The following BICRA variants were observed in gnomAD, a reference collection of about 807,000 sequenced individuals.
BICRA encodes BRD4 interacting chromatin remodeling complex associated protein.
In BICRA, 31 loss-of-function variants were observed where a neutral mutation model predicts 96.9. That is an observed-to-expected ratio of 0.32 (90% CI 0.24 to 0.43). The LOEUF (loss-of-function observed/expected upper bound fraction) is 0.43. BICRA is among the 20% of genes least tolerant of loss of function. The pLI, the probability that BICRA is intolerant of heterozygous loss-of-function variation, is 1.00. For synonymous variants in BICRA, 1,350 were observed against 1,071.8 expected (o/e 1.26, Z -5.07); for missense variants, 2,283 against 2,190.3 (o/e 1.04, Z -0.84).
chr19:47,649,464 C>G (rs1409173304), intron 1 of BICRA, among the ~76,000 whole-genome samples: 1 of 152,160 alleles, frequency 6.6e-6, no homozygotes, highest in African/African-American at 2.4e-5. Context: ...CTGTCTCTGC[C>G]TCGAAGATCT....
intron 1 of BICRA, among the ~76,000 whole-genome samples, chr19:47,647,656 C>A (rs1052652774): frequency 2.0e-5 from 3 of 152,092 alleles, no homozygotes; most frequent in African/African-American, 7.2e-5. Context: ...CTTGTAGAAT[C>A]CTCCTTCCCG....
chr19:47,694,889 C>G lies in BICRA; in HGVS notation c.2896-11C>G. On this transcript the variant is annotated splice_polypyrimidine_tract_variant and intron_variant, in intron 8 of 14. Transcript: ENST00000594866. Reference sequence around the variant, plus strand: ...TGTTCCCCACCCCTCATCCACCTGTCCCCTCCTCAGGTGCCGTCCGGAATC... The same window carrying G: ...TGTTCCCCACCCCTCATCCACCTGTGCCCTCCTCAGGTGCCGTCCGGAATC... 2.0e-6 allele frequency: 3 copies of G among 1,503,936 alleles called. No homozygotes were observed. Among genetic ancestry groups the G allele is most frequent in the Non-Finnish European group, 2.7e-6 (3 of 1,130,944 alleles). The allele number at this position is 1,503,936 out of a possible 1,614,324, so 93.2% of individuals were successfully genotyped here.
chr19:47,648,723 G>A (rs536643291), intron 1 of BICRA, among the ~76,000 whole-genome samples: 28 of 149,394 alleles, frequency 1.9e-4, no homozygotes, highest in Non-Finnish European at 3.7e-4. Flanking sequence ...CTGCCACCCA[G>A]GCTGGAGTGT....
In BICRA at chr19:47,619,132, G is replaced by A. The variant is rs12985134; in HGVS notation, c.-108+9964G>A. ...CGGAATTTCTCTCCCTAGAACGTGC[G>A]CGGTGATCTCCTACTTTTGTGTGTA... On this transcript the variant is annotated intron_variant, in intron 1 of 14. Coordinates refer to ENST00000594866, the MANE Select transcript of BICRA (RefSeq NM_001394372.1). Among the ~76,000 whole-genome samples the A allele has an allele frequency of 7.2e-3, 1,099 of 152,008 alleles. 7 individuals are homozygous for A. Among genetic ancestry groups the A allele is most frequent in the Non-Finnish European group, 0.012 (833 of 67,986 alleles).
chr19:47,659,190 A>G (rs1234153722), intron 1 of BICRA, among the ~76,000 whole-genome samples: 1 of 152,238 alleles, frequency 6.6e-6, no homozygotes, highest in Non-Finnish European at 1.5e-5. Flanking sequence ...TAAGAGCCAG[A>G]CATCAGTCGC....
chr19:47,695,481 G>T lies in BICRA; in HGVS notation c.3186+7G>T. 1 of 1,370,996 alleles carries T rather than the reference G, an allele frequency of 7.3e-7. No individual in the cohort carries two copies. The highest frequency in any genetic ancestry group is 1.0e-6 in the Non-Finnish European group (1 of 975,792). 84.9% of individuals were successfully genotyped at this position (1,370,996 alleles called of 1,614,324 possible). On this transcript the variant is annotated splice_region_variant and intron_variant, in intron 10 of 14. Coordinates refer to ENST00000594866, the MANE Select transcript of BICRA (RefSeq NM_001394372.1). ...GAAGCCCTCCGGGCTGCAGGTAAGG[G>T]GCCCTTAGAGCAGGGGTCAGGACAG...
intron 1 of BICRA, among the ~76,000 whole-genome samples, chr19:47,658,767 G>C (rs552896449): frequency 2.0e-5 from 3 of 151,998 alleles, no homozygotes; most frequent in African/African-American, 7.3e-5. Context: ...GGGACCTGCC[G>C]ATTCCCAGAT....
At chr19:47,686,864 C>T (rs1322691001) in intron 7 of BICRA, among the ~76,000 whole-genome samples, 1 of 152,158 alleles carries the variant, frequency 6.6e-6, no homozygotes, top group African/African-American at 2.4e-5. Context: ...GGCCCTGTGA[C>T]CTTCAGCAGG....
chr19:47,674,112 C>G (rs2081182), intron 4 of BICRA, among the ~76,000 whole-genome samples: 1 of 152,008 alleles, frequency 6.6e-6, no homozygotes, highest in Admixed American at 6.6e-5. Context: ...AAGGGTCACA[C>G]GAGGGAGGTA....
Position 47,701,766 on chromosome 19 carries a change from C to T in BICRA, c.4034C>T (p.Pro1345Leu). 1.3e-6 allele frequency: 2 copies of T among 1,542,854 alleles called. No homozygotes were observed. Among genetic ancestry groups the T allele is most frequent in the South Asian group, 1.2e-5 (1 of 84,034 alleles). ...PPPATLKVAE[P>L]PPRPPPPPPP... ...CCCGCTACCCTCAAGGTGGCCGAGC[C>T]CCCGCCACGGCCGCCACCACCACCG... The change falls in exon 15 of 15, where the codon CCC becomes CTC. Residue 1345 changes from proline to leucine, a missense_variant. Coordinates refer to ENST00000594866, the MANE Select transcript of BICRA (RefSeq NM_001394372.1). This position sits in a 1 kb window ranked among gnomAD's most constrained non-coding sequence, Gnocchi z 5.4.
In BICRA at chr19:47,680,267, T is replaced by C; in HGVS notation, c.1097T>C (p.Leu366Pro). The C allele has an allele frequency of 6.4e-7, 1 of 1,560,658 alleles. No individual in the cohort carries two copies. The highest frequency in any genetic ancestry group is 8.6e-7 in the Non-Finnish European group (1 of 1,162,456). Residue 366 changes from leucine (L) to proline (P), a missense_variant, in exon 6 of 15, where the codon CTG (leucine) becomes CCG (proline). Physicochemically the swap from Leu to Pro is moderately conservative, Grantham distance 98. Transcript: ENST00000594866. ...GTGCTGCCGCCCAAGCTCTACCAGC[T>C]GACGCCCAAGCCGTTTGCGCCCGCG... The part of the protein sequence containing the change: ...AGVLPPKLYQ[L>P]TPKPFAPAGA...
chr19:47,694,435 G>T lies in BICRA; in HGVS notation c.2604G>T (p.Pro868=), dbSNP rs373041158. 1.8e-6 allele frequency: 1 copy of T among 559,770 alleles called. No homozygotes were observed. The allele number at this position is 559,770 out of a possible 1,614,324, so 34.7% of individuals were successfully genotyped here. ...CGCCTCTCCGCCCCCAGTCCCAGCC[G>T]CCTGAGGGACCGCTGCCCCCAGCCC... is the stretch of plus-strand genomic sequence containing the variant. ...PQPPLRPQSQ[P]PEGPLPPAPH... is the part of the protein sequence containing the mutation. Residue 868 remains proline (P), a synonymous_variant, in exon 8 of 15, where the codon CCG becomes CCT. Coordinates refer to ENST00000594866, the MANE Select transcript of BICRA (RefSeq NM_001394372.1).
At position 47,657,765 on chromosome 19, in the gene BICRA, G is replaced by A. The variant is rs138472420; in HGVS notation, c.-107-12678G>A. ...ACCTCCCTTGAGTAAATACCTTGGC[G>A]TGACATTGTTGGGTCATAGAGTTGG... is the stretch of plus-strand genomic sequence containing the variant. On this transcript the variant is annotated intron_variant, in intron 1 of 14. Transcript: ENST00000594866. Among the ~76,000 whole-genome samples the A allele has an allele frequency of 3.2e-3, 490 of 152,184 alleles. 2 individuals carry two copies. Among genetic ancestry groups the A allele is most frequent in the Non-Finnish European group, 3.6e-3 (242 of 68,018 alleles).
chr19:47,647,540 A>G (rs1972477863), intron 1 of BICRA, among the ~76,000 whole-genome samples: 1 of 152,126 alleles, frequency 6.6e-6, no homozygotes. Flanking sequence ...CCCGCTATGC[A>G]TAAAGTTGGG....
At chr19:47,676,605 C>T (rs921301484) in intron 5 of BICRA, among the ~76,000 whole-genome samples, 3 of 139,756 alleles carry the variant, frequency 2.1e-5, no homozygotes, top group Non-Finnish European at 4.7e-5. Flanking sequence ...CCTTCCCCCC[C>T]TCACCCTCCC....
In BICRA at chr19:47,673,629, TC is replaced by T; in HGVS notation, c.41+18del. 1 of 1,603,858 alleles carries T rather than the reference TC, an allele frequency of 6.2e-7. No individual in the cohort carries two copies. Among genetic ancestry groups the T allele is most frequent in the Non-Finnish European group, 8.5e-7 (1 of 1,170,920 alleles). Reference sequence around the variant, plus strand: ...AGACGTGATTTGGTGAGTAACGGGCTCCCCACCCCCTGCCCTCTGTCTCAAC... The same window carrying T: ...AGACGTGATTTGGTGAGTAACGGGCTCCCACCCCCTGCCCTCTGTCTCAAC... On this transcript the variant is annotated intron_variant, in intron 3 of 14. Transcript: ENST00000594866.
intron 1 of BICRA, among the ~76,000 whole-genome samples, chr19:47,655,907 T>C (rs935030576): frequency 6.6e-6 from 1 of 151,484 alleles, no homozygotes; most frequent in Non-Finnish European, 1.5e-5. Context: ...AGTTTAGTGC[T>C]GAAGTGCCGT....
At chr19:47,612,918 T>C (rs1272573719) in intron 1 of BICRA, among the ~76,000 whole-genome samples, 1 of 150,668 alleles carries the variant, frequency 6.6e-6, no homozygotes, top group African/African-American at 2.4e-5. Context: ...TTATTTCCCT[T>C]GGCGAGATGA....
intron 1 of BICRA, among the ~76,000 whole-genome samples, chr19:47,634,946 T>G (rs1482232110): frequency 1.3e-5 from 2 of 151,796 alleles, no homozygotes; most frequent in African/African-American, 4.8e-5. Flanking sequence ...GTATTTTTAG[T>G]AGAGATGGGG....
Sources: allele counts gnomAD v4.1 joint callset (sites outside exome capture counted in the v4.1 genomes callset), GRCh38; gene constraint gnomAD v4.1.1; non-coding constraint Gnocchi (gnomAD v3.1); transcripts MANE v1.5; gene names NCBI Gene and HGNC (gene_info 2026-07-23, HGNC 2026-07-21).